The following LARP4B variants were observed in gnomAD, a reference collection of about 807,000 sequenced individuals.
LARP4B encodes the protein la-related protein 4B.
Under a neutral mutation model 89.8 loss-of-function variants are expected in LARP4B, and 12 were observed. That is an observed-to-expected ratio of 0.13 (90% CI 0.09 to 0.22). The LOEUF (loss-of-function observed/expected upper bound fraction) is 0.22, where lower values mean the gene tolerates loss of function less well. LARP4B is among the 10% of genes least tolerant of loss of function. The probability of loss-of-function intolerance (pLI) is 1.00; values close to 1 mark genes in which losing one functional copy is unlikely to be tolerated. For missense variants in LARP4B, 757 were observed against 947.7 expected (o/e 0.80, Z 2.64); for synonymous variants, 367 against 363.3 (o/e 1.01, Z -0.12).
the LARP4B span, among the ~76,000 whole-genome samples, chr10:961,329 A>T: frequency 6.6e-6 from 1 of 152,258 alleles, no homozygotes; most frequent in South Asian, 2.1e-4. Context: ...TGCGGGCTGT[A>T]CAAGAAGCAT....
At chr10:982,087 A>G in the LARP4B span, among the ~76,000 whole-genome samples, 2 of 139,598 alleles carry the variant, frequency 1.4e-5, no homozygotes, top group East Asian at 2.1e-4. Flanking sequence ...TCTTCAACCT[A>G]TAGCTTTTTT....
At chr10:943,140 T>G in the LARP4B span, among the ~76,000 whole-genome samples, 1 of 151,814 alleles carries the variant, frequency 6.6e-6, no homozygotes, top group Non-Finnish European at 1.5e-5. Flanking sequence ...AGAGACAGGG[T>G]TTCGTCATGT....
At chr10:824,220 C>T (rs911800609) in intron 13 of LARP4B, among the ~76,000 whole-genome samples, 5 of 152,172 alleles carry the variant, frequency 3.3e-5, no homozygotes, top group Non-Finnish European at 7.3e-5. Context: ...TGGGCAGGTG[C>T]GGTGGCTCAT....
chr10:884,481 G>C lies in LARP4B; in HGVS notation c.107C>G (p.Thr36Ser), dbSNP rs750307609. Residue 36 changes from threonine (T) to serine (S), a missense_variant, in exon 3 of 18, where the codon ACT becomes AGT. Physicochemically the swap from Thr to Ser is moderately conservative, Grantham distance 58. This residue lies in a region of LARP4B where 175 missense variants were observed against 187.0 expected (regional missense o/e 0.94). Coordinates refer to ENST00000316157, the MANE Select transcript of LARP4B (RefSeq NM_015155.3). ...AGGTGGGATGGAACTTGTCTGAGAA[G>C]TGGTTTGAGATATAGGACCATTCAT... ...HLMNGPISQTTSQTSSIPPLS... is the reference protein window; with the variant it reads ...HLMNGPISQTSSQTSSIPPLS... 2 of 1,607,054 alleles carry C rather than the reference G, an allele frequency of 1.2e-6. No homozygotes were observed. The highest frequency in any genetic ancestry group is 1.7e-6 in the Non-Finnish European group (2 of 1,173,900).
chr10:843,691 CTCTG>C (rs1833639681), intron 6 of LARP4B, among the ~76,000 whole-genome samples: 1 of 151,880 alleles, frequency 6.6e-6, no homozygotes, highest in Non-Finnish European at 1.5e-5. Flanking sequence ...AAGAGTGAAA[CTCTG>C]ACTCAAAAAA....
At chr10:908,700 G>A (rs746797836) in intron 1 of LARP4B, among the ~76,000 whole-genome samples, 10 of 152,318 alleles carry the variant, frequency 6.6e-5, no homozygotes, top group Middle Eastern at 3.4e-3. Flanking sequence ...GTTGTGACGC[G>A]AAAGCAGGAG....
chr10:864,347 G>A, intron 3 of LARP4B, 77 bp from the exon 4 acceptor site: 1 of 1,448,952 alleles, frequency 6.9e-7, no homozygotes, highest in Admixed American at 1.8e-5. Flanking sequence ...GCAGAGTTAA[G>A]AGACATCAGA....
At chr10:825,742 C>G (rs748577866) in intron 12 of LARP4B, 22 bp downstream of exon 12, 5 of 1,573,888 alleles carry the variant, frequency 3.2e-6, no homozygotes, top group Middle Eastern at 1.7e-4. Context: ...ACCAAAACTG[C>G]TAAGACCGCC....
chr10:821,626 C>T (rs962100153), intron 13 of LARP4B, among the ~76,000 whole-genome samples: 1 of 152,198 alleles, frequency 6.6e-6, no homozygotes, highest in African/African-American at 2.4e-5. Context: ...GCAAAGACTC[C>T]CCCAAGGGCC....
intron 3 of LARP4B, among the ~76,000 whole-genome samples, chr10:874,221 T>C (rs1835362400): frequency 6.6e-6 from 1 of 151,628 alleles, no homozygotes. Flanking sequence ...GTGACAAGAG[T>C]GAGACTCCAT....
chr10:967,734 C>T, the LARP4B span, among the ~76,000 whole-genome samples: 2 of 152,174 alleles, frequency 1.3e-5, no homozygotes, highest in African/African-American at 4.8e-5. Flanking sequence ...GTGGGCACAC[C>T]ATCTTCATTA....
intron 3 of LARP4B, among the ~76,000 whole-genome samples, chr10:871,134 G>T (rs1002524363): frequency 6.6e-6 from 1 of 152,204 alleles, no homozygotes; most frequent in Non-Finnish European, 1.5e-5. Context: ...TTTGCTTGCA[G>T]TGATTCTTTT....
At chr10:973,434 C>T in the LARP4B span, among the ~76,000 whole-genome samples, 1 of 152,070 alleles carries the variant, frequency 6.6e-6, no homozygotes, top group Non-Finnish European at 1.5e-5. Flanking sequence ...TCACTGCAAG[C>T]TCTGCCTCCC....
chr10:873,465 C>A, intron 3 of LARP4B: 1 of 966,666 alleles, frequency 1.0e-6, no homozygotes, highest in Non-Finnish European at 1.2e-6. Context: ...ATTATCCCAG[C>A]CAGAAAGATT....
Position 858,095 on chromosome 10 carries a change from A to T in LARP4B, c.430+5648T>A, listed in dbSNP as rs543109263. 1.8e-4 allele frequency among the ~76,000 whole-genome samples: 28 copies of T among 152,282 alleles called. No individual in the cohort carries two copies. In the South Asian group the frequency reaches 3.3e-3, roughly 18 times the overall value. On this transcript the variant is annotated intron_variant, in intron 5 of 17. Coordinates refer to ENST00000316157, the MANE Select transcript of LARP4B (RefSeq NM_015155.3). Reference sequence around the variant, plus strand: ...CAAAATTAAAAATTTTTTAAGCTTAAACTCCTACTTTGGATCCCCCTGTTG... The same window carrying T: ...CAAAATTAAAAATTTTTTAAGCTTATACTCCTACTTTGGATCCCCCTGTTG...
chr10:890,021 C>G (rs997314637), intron 1 of LARP4B, among the ~76,000 whole-genome samples: 2 of 152,296 alleles, frequency 1.3e-5, no homozygotes, highest in Admixed American at 6.5e-5. Context: ...CAAGGCATTT[C>G]TTTTTACTGC....
intron 1 of LARP4B, among the ~76,000 whole-genome samples, chr10:888,849 G>C (rs1835936666): frequency 6.6e-6 from 1 of 152,224 alleles, no homozygotes; most frequent in Admixed American, 6.5e-5. Context: ...ACTTTGGGAG[G>C]CTAAGGCAAG....
intron 3 of LARP4B, among the ~76,000 whole-genome samples, chr10:869,099 C>T (rs570388778): frequency 2.0e-5 from 3 of 152,244 alleles, no homozygotes; most frequent in Admixed American, 2.0e-4. Context: ...GAGGGACAGC[C>T]TTATCTCGGG....
intron 1 of LARP4B, among the ~76,000 whole-genome samples, chr10:913,087 T>C (rs1443333681): frequency 2.6e-5 from 4 of 152,310 alleles, no homozygotes; most frequent in African/African-American, 4.8e-5. Context: ...CAACAAATAA[T>C]AGTGTTTAGA....
Sources: allele counts gnomAD v4.1 joint callset (sites outside exome capture counted in the v4.1 genomes callset), GRCh38; gene constraint gnomAD v4.1.1; regional missense constraint gnomAD v4.1.1; transcripts MANE v1.5; gene names NCBI Gene and HGNC (gene_info 2026-07-23, HGNC 2026-07-21).